The following CPSF7 variants were observed in gnomAD, a reference collection of about 807,000 sequenced individuals.
The protein encoded by CPSF7 is cleavage and polyadenylation specificity factor subunit 7.
In CPSF7, 1 loss-of-function variant was observed where a neutral mutation model predicts 44.3. The ratio of observed to expected loss-of-function variants is 0.02; its 90% CI spans 0.01 to 0.11. CPSF7 has a LOEUF of 0.11. Ranked by LOEUF, CPSF7 falls within the 10% of genes least tolerant of loss-of-function variation. The pLI is 1.00. For missense variants in CPSF7, 443 were observed against 607.2 expected (o/e 0.73, Z 2.84); for synonymous variants, 202 against 222.0 (o/e 0.91, Z 0.80).
rs1272070461 is a variant in CPSF7 at position 61,415,790 on chromosome 11, C to G, written c.939-6G>C. On this transcript the variant is annotated splice_region_variant and splice_polypyrimidine_tract_variant and intron_variant, in intron 6 of 9. Transcript: ENST00000439958. ...GTGGAGGGCCCGAATCTCGGCTGTACAGAGAAAATACCATCCTTGATTGCT... is the reference window on the plus strand; with the variant it reads ...GTGGAGGGCCCGAATCTCGGCTGTAGAGAGAAAATACCATCCTTGATTGCT... 2 of 1,565,040 alleles carry G rather than the reference C, an allele frequency of 1.3e-6. No homozygotes were observed. The highest frequency in any genetic ancestry group is 2.2e-5 in the East Asian group (1 of 44,658).
intron 3 of CPSF7, chr11:61,420,991 C>G (rs1860814550): frequency 1.0e-6 from 1 of 971,040 alleles, no homozygotes; most frequent in African/African-American, 1.7e-5. Context: ...ACTTGCAGAA[C>G]AACAGTCACC....
At position 61,405,365 on chromosome 11, in the gene CPSF7, T is replaced by C. The variant is rs140032144; in HGVS notation, c.*6-661A>G. Among the ~76,000 whole-genome samples the C allele has an allele frequency of 6.6e-3, 1,012 of 152,252 alleles. 10 individuals are homozygous for C. The highest frequency in any genetic ancestry group is 0.023 in the African/African-American group (949 of 41,550). ...CCAAGTGTACTAAAACTCGAGATTTTAAGTCTTTCCTCGCATGACAGCCAT... is the reference window on the plus strand; with the variant it reads ...CCAAGTGTACTAAAACTCGAGATTTCAAGTCTTTCCTCGCATGACAGCCAT... On this transcript the variant is annotated intron_variant, in intron 9 of 9. Transcript: ENST00000439958.
intron 1 of CPSF7, chr11:61,429,601 G>T: frequency 1.3e-6 from 1 of 795,180 alleles, no homozygotes; most frequent in Non-Finnish European, 1.9e-6. Flanking sequence ...GAATGACCGC[G>T]GCGAAGCCCG....
At position 61,417,485 on chromosome 11, in the gene CPSF7, TG is replaced by T. The variant is rs968263964; in HGVS notation, c.524-967del. On this transcript the variant is annotated intron_variant, in intron 5 of 9. Transcript: ENST00000439958. ...ATAGAAGAACAAGATCACATGGCTT[TG>T]GGGGGGTCTTGGAGATAGAAAGATG... 3.3e-5 allele frequency among the ~76,000 whole-genome samples: 5 copies of T among 152,270 alleles called. No individual in the cohort carries two copies. In the South Asian group the frequency reaches 1.0e-3, roughly 32 times the overall value.
At chr11:61,414,061 G>A (rs913851364) in intron 7 of CPSF7, among the ~76,000 whole-genome samples, 2 of 152,000 alleles carry the variant, frequency 1.3e-5, no homozygotes, top group Non-Finnish European at 2.9e-5. Flanking sequence ...GAGGAAGAAG[G>A]AACAATGAGT....
chr11:61,420,802 G>T (rs571609789), intron 3 of CPSF7: 2 of 578,114 alleles, frequency 3.5e-6, no homozygotes, highest in African/African-American at 3.8e-5. Flanking sequence ...AAAACTTATT[G>T]TAACTTTGAC....
At chr11:61,427,052 A>AAAAAAAAAAAG (rs138052480) in intron 2 of CPSF7, 1 of 106,576 alleles carries the variant, frequency 9.4e-6, no homozygotes, top group Non-Finnish European at 1.9e-5. Context: ...AAAAAAAAAA[A>AAAAAAAAAAAG]GAGAAGAACT....
At chr11:61,419,715 G>A (rs1309959020) in intron 5 of CPSF7, among the ~76,000 whole-genome samples, 1 of 152,168 alleles carries the variant, frequency 6.6e-6, no homozygotes, top group Non-Finnish European at 1.5e-5. Flanking sequence ...GTCAGTGGCA[G>A]AACCAAACTA....
intron 6 of CPSF7, 24 bp downstream of exon 6, chr11:61,416,081 T>A: frequency 2.0e-6 from 3 of 1,488,784 alleles, no homozygotes; most frequent in Non-Finnish European, 2.7e-6. Flanking sequence ...CTGGCTCAAA[T>A]CTGAAAGGAA....
intron 9 of CPSF7, chr11:61,406,065 C>T (rs1014920186): frequency 2.6e-5 from 4 of 152,168 alleles, no homozygotes; most frequent in African/African-American, 4.8e-5. Flanking sequence ...AATGAGATAA[C>T]TGACATAGTT....
chr11:61,429,698 C>T, intron 1 of CPSF7: 3 of 1,522,432 alleles, frequency 2.0e-6, no homozygotes, highest in Non-Finnish European at 2.6e-6. Flanking sequence ...CGCCTCTGCC[C>T]CCAACCCAGG....
At chr11:61,421,265 C>T in intron 3 of CPSF7, 125 bp downstream of exon 3, 1 of 1,048,604 alleles carries the variant, frequency 9.5e-7, no homozygotes, top group Non-Finnish European at 1.4e-6. Context: ...AACCTGATCC[C>T]AGGAAAAAGA....
chr11:61,412,211 T>G (rs941955104), intron 7 of CPSF7, among the ~76,000 whole-genome samples: 1 of 152,242 alleles, frequency 6.6e-6, no homozygotes, highest in African/African-American at 2.4e-5. Flanking sequence ...GCATATTTTT[T>G]GAGCCAGCAA....
chr11:61,412,443 C>T (rs1178493125), intron 7 of CPSF7, among the ~76,000 whole-genome samples: 2 of 152,090 alleles, frequency 1.3e-5, no homozygotes. Context: ...GCGCCTGCCA[C>T]CACACCCAGC....
At chr11:61,426,071 A>G (rs1428520215) in intron 2 of CPSF7, among the ~76,000 whole-genome samples, 6 of 152,192 alleles carry the variant, frequency 3.9e-5, no homozygotes, top group Admixed American at 3.9e-4. Flanking sequence ...TCCCTGTGTT[A>G]CAGGAATAAA....
intron 7 of CPSF7, among the ~76,000 whole-genome samples, chr11:61,414,751 A>G (rs1860160970): frequency 6.6e-6 from 1 of 152,216 alleles, no homozygotes; most frequent in Admixed American, 6.5e-5. Flanking sequence ...TCTTTTAGAA[A>G]CTAAAGATCT....
At chr11:61,412,979 G>GGGTC (rs1486323663) in intron 7 of CPSF7, among the ~76,000 whole-genome samples, 2 of 152,306 alleles carry the variant, frequency 1.3e-5, no homozygotes, top group African/African-American at 4.8e-5. Flanking sequence ...TTTTTGAGAT[G>GGGTC]GGTCTTGTTT....
In CPSF7 at chr11:61,411,867, A is replaced by G. The variant is rs1450215872; in HGVS notation, c.1128T>C (p.Asn376=). The part of the protein sequence containing the change: ...IAVIKQSRVA[N]DERCRVLISS... The stretch of plus-strand genomic sequence containing the variant: ...AGATGAGGACACGGCAACGCTCATC[A>G]TTGGCAACCCGGGACTGTTTGATAA... Residue 376 remains asparagine, a synonymous_variant, in exon 8 of 10, where the codon AAT becomes AAC. Transcript: ENST00000439958. 6.2e-7 allele frequency: 1 copy of G among 1,614,172 alleles called. No individual in the cohort carries two copies. The highest frequency in any genetic ancestry group is 8.5e-7 in the Non-Finnish European group (1 of 1,179,988).
At chr11:61,411,633 A>C (rs896380261) in intron 8 of CPSF7, 136 bp downstream of exon 8, 14 of 695,922 alleles carry the variant, frequency 2.0e-5, no homozygotes, top group African/African-American at 3.6e-5. Flanking sequence ...TTTCTTCCCC[A>C]AAAAGACATG....
Sources: allele counts gnomAD v4.1 joint callset (sites outside exome capture counted in the v4.1 genomes callset), GRCh38; gene constraint gnomAD v4.1.1; transcripts MANE v1.5; gene names NCBI Gene and HGNC (gene_info 2026-07-23, HGNC 2026-07-21).